The following ZNF518A variants were observed in gnomAD, a reference collection of about 807,000 sequenced individuals.
ZNF518A encodes zinc finger protein 518.
A neutral mutation model predicts 102.7 loss-of-function variants in ZNF518A; 47 were observed. That is an observed-to-expected ratio of 0.46 (90% CI 0.36 to 0.58). The LOEUF (loss-of-function observed/expected upper bound fraction) is 0.58, where lower values mean the gene tolerates loss of function less well. Ranked by LOEUF, ZNF518A falls within the 20% of genes least tolerant of loss-of-function variation. The pLI is 0.00. For missense variants in ZNF518A, 1,793 were observed against 1,699.8 expected (o/e 1.05, Z -0.96); for synonymous variants, 652 against 594.6 (o/e 1.10, Z -1.40).
chr10:96,188,240 G>T (rs1439691116), intron 1 of ZNF518A, among the ~76,000 whole-genome samples: 3 of 152,228 alleles, frequency 2.0e-5, no homozygotes, highest in African/African-American at 7.2e-5. Context: ...GGACTCTTCT[G>T]CAAGATGAGG....
chr10:96,158,984 C>A lies in ZNF518A; in HGVS notation c.2662C>A (p.Leu888Ile). ...MPRISGFGTL[L>I]KTQSDAIITQ... ...TAGAATTTCAGGTTTTGGCACATTA[C>A]TTAAGACTCAGTCAGATGCGATAAT... Residue 888 changes from leucine to isoleucine, a missense_variant, in exon 6 of 6, where the codon CTT (leucine) becomes ATT (isoleucine). Physicochemically the swap from Leu to Ile is conservative, Grantham distance 5. Coordinates refer to ENST00000316045, the MANE Select transcript of ZNF518A (RefSeq NM_001330736.2). 6.2e-7 allele frequency: 1 copy of A among 1,613,640 alleles called. No homozygotes were observed.
In ZNF518A at chr10:96,161,206, A is replaced by G. The variant is rs951185288; in HGVS notation, c.*432A>G. ...AGCTCTTTCATCGTAGAACTGAAGG[A>G]GTTTCTCACATTTGTGAAGATACTT... is the stretch of plus-strand genomic sequence containing the variant. On this transcript the variant is annotated 3_prime_UTR_variant, in exon 6 of 6. Transcript: ENST00000316045. The G allele has an allele frequency of 5.4e-4, 92 of 169,512 alleles. No homozygotes were observed. Among genetic ancestry groups the G allele is most frequent in the Non-Finnish European group, 1.4e-5 (1 of 69,916 alleles). 10.5% of individuals were successfully genotyped at this position (169,512 alleles called of 1,614,324 possible). A position where few individuals can be genotyped will look rare whatever the true frequency, so the allele number is the denominator to read the frequency against.
intron 1 of ZNF518A, among the ~76,000 whole-genome samples, chr10:96,180,914 T>C (rs587647317): frequency 2.0e-5 from 3 of 152,318 alleles, no homozygotes; most frequent in Non-Finnish European, 2.9e-5. Flanking sequence ...CTTGAGGAAT[T>C]GCCACACTGT....
intron 1 of ZNF518A, among the ~76,000 whole-genome samples, chr10:96,169,888 C>T (rs139136011): frequency 1.3e-5 from 2 of 152,258 alleles, no homozygotes; most frequent in African/African-American, 4.8e-5. Flanking sequence ...TATTCTTTGC[C>T]ATTTGTGGCC....
chr10:96,136,617 C>G (rs587687207), intron 3 of ZNF518A, among the ~76,000 whole-genome samples: 1 of 151,480 alleles, frequency 6.6e-6, no homozygotes, highest in Non-Finnish European at 1.5e-5. Context: ...CCCAGGAGTT[C>G]AAGACTAGCC....
At chr10:96,164,129 G>A (rs1233142224), downstream of ZNF518A, among the ~76,000 whole-genome samples, 1 of 152,220 alleles carries the variant, frequency 6.6e-6, no homozygotes, top group Non-Finnish European at 1.5e-5. Context: ...TTCTTTCAGT[G>A]ATTTGAAATA....
At position 96,158,660 on chromosome 10, in the gene ZNF518A, C is replaced by T. The variant is rs868952019; in HGVS notation, c.2338C>T (p.Pro780Ser). The T allele has an allele frequency of 6.2e-7, 1 of 1,613,086 alleles. No homozygotes were observed. The highest frequency in any genetic ancestry group is 8.5e-7 in the Non-Finnish European group (1 of 1,179,510). Residue 780 changes from proline (P) to serine (S), a missense_variant, in exon 6 of 6, where the codon CCA becomes TCA. Coordinates refer to ENST00000316045, the MANE Select transcript of ZNF518A (RefSeq NM_001330736.2). ...GAGCCAACAGGCATCAGAATTTCTG[C>T]CACCTGAAGTAAACCAATTGCTTCA... ...LQSQQASEFL[P>S]PEVNQLLQDV...
rs186757950 is a variant in ZNF518A, at chr10:96,186,523, G to A, written n.36-17051G>A. ...ACTGATTCTTCTGCCTCAGCCTCCT[G>A]AGTAGCTGGGACTACAGGTATGTAC... On this transcript the variant is annotated intron_variant and non_coding_transcript_variant, in intron 1 of 2. Coordinates refer to the ZNF518A transcript ENST00000442635. 1.4e-4 allele frequency among the ~76,000 whole-genome samples: 22 copies of A among 152,172 alleles called. No homozygotes were observed. The East Asian group carries it at 4.3e-3, about 29-fold the overall frequency.
rs2133831116 is a variant in ZNF518A at position 96,159,952 on chromosome 10, T to C, written c.3630T>C (p.Ser1210=). Residue 1210 remains serine, a synonymous_variant, in exon 6 of 6, where the codon TCT becomes TCC. Transcript: ENST00000316045. ...LMPANEIVIT[S]TATCPESSEE... Reference sequence around the variant, plus strand: ...CAGCAAATGAAATTGTGATAACTTCTACTGCAACATGCCCAGAATCTTCTG... The same window carrying C: ...CAGCAAATGAAATTGTGATAACTTCCACTGCAACATGCCCAGAATCTTCTG... 6.2e-7 allele frequency: 1 copy of C among 1,613,558 alleles called. No individual in the cohort carries two copies. Among genetic ancestry groups the C allele is most frequent in the East Asian group, 2.2e-5 (1 of 44,872 alleles).
intron 3 of ZNF518A, among the ~76,000 whole-genome samples, 187 bp from the exon 4 acceptor site, chr10:96,155,139 T>TA (rs587653410): frequency 1.4e-3 from 218 of 151,542 alleles, no homozygotes; most frequent in African/African-American, 5.3e-3. Context: ...GAACCTTCAG[T>TA]ATTCAGATTC....
intron 3 of ZNF518A, among the ~76,000 whole-genome samples, chr10:96,137,039 A>G (rs1554874705): frequency 6.6e-6 from 1 of 152,264 alleles, no homozygotes; most frequent in Non-Finnish European, 1.5e-5. Flanking sequence ...TTACAAAAAC[A>G]GGCAGCAGGC....
At chr10:96,155,099 CTAA>C (rs2082635759) in intron 3 of ZNF518A, among the ~76,000 whole-genome samples, 1 of 151,972 alleles carries the variant, frequency 6.6e-6, no homozygotes, top group Non-Finnish European at 1.5e-5. Context: ...TGTAATTTTT[CTAA>C]TAATACAGTT....
At chr10:96,149,800 T>A (rs1400973423) in intron 3 of ZNF518A, among the ~76,000 whole-genome samples, 1 of 152,212 alleles carries the variant, frequency 6.6e-6, no homozygotes, top group Non-Finnish European at 1.5e-5. Flanking sequence ...CAGTCTTTTC[T>A]GCTTTTTTAA....
At position 96,162,343 on chromosome 10, in the gene ZNF518A, G is replaced by T. The variant is rs1350805145; in HGVS notation, c.*1569G>T. 6.0e-6 allele frequency: 1 copy of T among 166,668 alleles called. No homozygotes were observed. Among genetic ancestry groups the T allele is most frequent in the Non-Finnish European group, 1.5e-5 (1 of 68,006 alleles). The allele number at this position is 166,668 out of a possible 1,614,324, so 10.3% of individuals were successfully genotyped here. ...TATTTCAGATGTAGATTTTGTTTTT[G>T]AGGTAAATTCGTTCTTCAGGGATTG... On this transcript the variant is annotated 3_prime_UTR_variant, in exon 6 of 6. Transcript: ENST00000316045.
downstream of ZNF518A, among the ~76,000 whole-genome samples, chr10:96,165,493 A>G (rs1159286902): frequency 1.4e-5 from 2 of 144,144 alleles, no homozygotes; most frequent in Admixed American, 6.9e-5. Flanking sequence ...AAAAAAACAG[A>G]CACCAAACCA....
rs1405181322 is a variant in ZNF518A, at chr10:96,144,307, TA to T, written c.-302+10669del. ...AGCCTACAACTTCCTTTTTAAAAAT[TA>T]AAAAAAAAATTGCTTGGAATAAATA... On this transcript the variant is annotated intron_variant, in intron 3 of 5. Transcript: ENST00000316045. Among the ~76,000 whole-genome samples the T allele has an allele frequency of 1.7e-4, 25 of 150,438 alleles. No individual in the cohort carries two copies. The South Asian group carries it at 3.8e-3, about 23-fold the overall frequency.
At chr10:96,153,258 G>A (rs2082537383) in intron 3 of ZNF518A, among the ~76,000 whole-genome samples, 2 of 152,194 alleles carry the variant, frequency 1.3e-5, no homozygotes, top group African/African-American at 2.4e-5. Context: ...GCCCCTGGCC[G>A]GTTGGATGGT....
At position 96,158,615 on chromosome 10, in the gene ZNF518A, A is replaced by C; in HGVS notation, c.2293A>C (p.Thr765Pro). Residue 765 changes from threonine to proline, a missense_variant, in exon 6 of 6, where the codon ACA becomes CCA. Thr to Pro is a conservative substitution (Grantham distance 38). Transcript: ENST00000316045. Reference sequence around the variant, plus strand: ...CGATTCACCTATGATGCCTAGAATCACATCTGTTTTCTCTCTCCAGAGCCA... The same window carrying C: ...CGATTCACCTATGATGCCTAGAATCCCATCTGTTTTCTCTCTCCAGAGCCA... ...NVDSPMMPRI[T>P]SVFSLQSQQA... The C allele has an allele frequency of 6.2e-7, 1 of 1,613,476 alleles. No individual in the cohort carries two copies. The highest frequency in any genetic ancestry group is 8.5e-7 in the Non-Finnish European group (1 of 1,179,682).
chr10:96,191,948 T>G, intron 1 of ZNF518A: 1 of 1,613,246 alleles, frequency 6.2e-7, no homozygotes, highest in South Asian at 1.1e-5. Flanking sequence ...TCTGAAGCAA[T>G]GGTATTGATC....
Sources: allele counts gnomAD v4.1 joint callset (sites outside exome capture counted in the v4.1 genomes callset), GRCh38; gene constraint gnomAD v4.1.1; transcripts MANE v1.5; gene names NCBI Gene and HGNC (gene_info 2026-07-23, HGNC 2026-07-21).